Variants in ACOX3 observed in about 807,000 individuals in gnomAD.
ACOX3 encodes peroxisomal acyl-coenzyme A oxidase 3.
ACOX3 carries 73 observed loss-of-function variants against 81.5 expected under a neutral mutation model. The ratio of observed to expected loss-of-function variants is 0.90; its 90% CI spans 0.74 to 1.09. The LOEUF (loss-of-function observed/expected upper bound fraction) is 1.09, where lower values mean the gene tolerates loss of function less well. ACOX3 is among the 50% of genes least tolerant of loss of function. The probability of loss-of-function intolerance (pLI) is 0.00; values close to 1 mark genes in which losing one functional copy is unlikely to be tolerated. For missense variants in ACOX3, 947 were observed against 928.0 expected (o/e 1.02, Z -0.27); for synonymous variants, 387 against 375.1 (o/e 1.03, Z -0.37).
Position 8,370,122 on chromosome 4 carries a change from T to C in ACOX3, c.1983+786A>G, listed in dbSNP as rs936382204. Among the ~76,000 whole-genome samples, 1 of 152,256 alleles carries C rather than the reference T, an allele frequency of 6.6e-6. No homozygotes were observed. The highest frequency in any genetic ancestry group is 2.4e-5 in the African/African-American group (1 of 41,552). ...AGAGAAGGCCTCTCCAAGGCAGCAA[T>C]AGTCAGCTTATACTGAAAGAATGGA... On this transcript the variant is annotated intron_variant, in intron 17 of 17. Transcript: ENST00000356406. This position sits in a 1 kb window ranked among gnomAD's most constrained non-coding sequence, Gnocchi z 6.3.
intron 6 of ACOX3, among the ~76,000 whole-genome samples, 153 bp downstream of exon 6, chr4:8,410,059 G>A (rs928461784): frequency 6.6e-6 from 1 of 152,066 alleles, no homozygotes; most frequent in South Asian, 2.1e-4. Flanking sequence ...GCGGGGCTAT[G>A]GGATGCACTG....
chr4:8,384,396 A>G lies in ACOX3; in HGVS notation c.1538-2789T>C, dbSNP rs1302087595. Among the ~76,000 whole-genome samples, 2 of 152,222 alleles carry G rather than the reference A, an allele frequency of 1.3e-5. No individual in the cohort carries two copies. Among genetic ancestry groups the G allele is most frequent in the Admixed American group, 1.3e-4 (2 of 15,282 alleles). ...AGAGTTAATGTGGAAGTGAAAAAGT[A>G]TCGCTGAAACAAACTAGGCAGGAAA... On this transcript the variant is annotated intron_variant, in intron 13 of 17. Coordinates refer to ENST00000356406, the MANE Select transcript of ACOX3 (RefSeq NM_003501.3). The surrounding 1 kb of genome is among the most constrained non-coding windows in gnomAD (Gnocchi z 5.3).
chr4:8,409,094 T>C (rs1414938596), intron 6 of ACOX3, among the ~76,000 whole-genome samples: 1 of 152,216 alleles, frequency 6.6e-6, no homozygotes, highest in Non-Finnish European at 1.5e-5. Context: ...TTTTGTCCTG[T>C]AACCTTACAA....
At position 8,421,798 on chromosome 4, in the gene ACOX3, C is replaced by T. The variant is rs561799328; in HGVS notation, c.-14-5263G>A. Among the ~76,000 whole-genome samples, 5 of 152,288 alleles carry T rather than the reference C, an allele frequency of 3.3e-5. No homozygotes were observed. In the South Asian group the frequency reaches 1.0e-3, roughly 32 times the overall value. On this transcript the variant is annotated intron_variant, in intron 1 of 17. Coordinates refer to ENST00000356406, the MANE Select transcript of ACOX3 (RefSeq NM_003501.3). ...TCTCGACATGGGAAGTTATGTGGGA[C>T]CTACCACCCTTGCCAGGGCCCCAAG... is the stretch of plus-strand genomic sequence containing the variant.
rs1341679368 is a variant in ACOX3 at position 8,416,033 on chromosome 4, G to A, written c.145-34C>T. ...GCAGGAGATGGGTAAGGCTTATTTG[G>A]AGTAAAAGATGGACTCTCCATGTGC... On this transcript the variant is annotated intron_variant, in intron 2 of 17. Transcript: ENST00000356406. This position sits in a 1 kb window ranked among gnomAD's most constrained non-coding sequence, Gnocchi z 4.2. 6.3e-7 allele frequency: 1 copy of A among 1,595,544 alleles called. No homozygotes were observed. The highest frequency in any genetic ancestry group is 2.2e-5 in the East Asian group (1 of 44,784).
intron 9 of ACOX3, 24 bp downstream of exon 9, chr4:8,396,912 GA>G: frequency 6.2e-7 from 1 of 1,602,394 alleles, no homozygotes; most frequent in Non-Finnish European, 8.5e-7. Flanking sequence ...GAGAGACAGT[GA>G]AAGGATGCTT....
Position 8,392,352 on chromosome 4 carries a change from T to C in ACOX3, c.1281A>G (p.Gly427=). 1 of 1,598,566 alleles carries C rather than the reference T, an allele frequency of 6.3e-7. No individual in the cohort carries two copies. The highest frequency in any genetic ancestry group is 8.5e-7 in the Non-Finnish European group (1 of 1,173,988). The part of the protein sequence containing the change: ...QGIQECREAC[G]GHGYLAMNRL... ...ACCTACTGGCCAGATAGCCGTGTCC[T>C]CCACACGCCTCCCGGCATTCCTGAA... Residue 427 remains glycine (G), a synonymous_variant, in exon 11 of 18, where the codon GGA becomes GGG. Coordinates refer to ENST00000356406, the MANE Select transcript of ACOX3 (RefSeq NM_003501.3).
chr4:8,380,619 T>A (rs1717519328), intron 14 of ACOX3, among the ~76,000 whole-genome samples: 1 of 152,150 alleles, frequency 6.6e-6, no homozygotes, highest in Non-Finnish European at 1.5e-5. Context: ...AGCAGCAGGC[T>A]GTGAGGTGCT....
rs187838941 is a variant in ACOX3 at position 8,412,343 on chromosome 4, T to A, written c.543+1949A>T. Among the ~76,000 whole-genome samples the A allele has an allele frequency of 1.8e-4, 27 of 152,320 alleles. No individual in the cohort carries two copies. In the East Asian group the frequency reaches 4.8e-3, roughly 27 times the overall value. On this transcript the variant is annotated intron_variant, in intron 5 of 17. Transcript: ENST00000356406. ...CTACGGGTCCGCTTGAGTTCATTCC[T>A]GGGCTCTTCCATGCAGTACCCCAGG... is the stretch of plus-strand genomic sequence containing the variant.
In ACOX3 at chr4:8,386,738, T is replaced by C. The variant is rs1256273271; in HGVS notation, c.1537+2435A>G. ...AGAAAGCAAGCAGTGATGCAGACGC[T>C]TCCTGATGACGATGCTGACGGTGCG... On this transcript the variant is annotated intron_variant, in intron 13 of 17. Transcript: ENST00000356406. This position sits in a 1 kb window ranked among gnomAD's most constrained non-coding sequence, Gnocchi z 5.2. 6.6e-6 allele frequency among the ~76,000 whole-genome samples: 1 copy of C among 152,036 alleles called. No individual in the cohort carries two copies. Among genetic ancestry groups the C allele is most frequent in the East Asian group, 1.9e-4 (1 of 5,168 alleles).
chr4:8,396,342 T>C (rs1157787024), intron 9 of ACOX3, among the ~76,000 whole-genome samples: 1 of 152,164 alleles, frequency 6.6e-6, no homozygotes. Context: ...CACCTGAACG[T>C]GCGGCCGTGC....
chr4:8,429,919 A>C (rs1482927634), intron 1 of ACOX3, among the ~76,000 whole-genome samples: 5 of 152,184 alleles, frequency 3.3e-5, no homozygotes, highest in African/African-American at 1.2e-4. Context: ...TTAAAAAAAA[A>C]AAAGTGAAAA....
Position 8,373,619 on chromosome 4 carries a change from A to C in ACOX3, c.1838T>G (p.Phe613Cys). 2 of 1,612,404 alleles carry C rather than the reference A, an allele frequency of 1.2e-6. No individual in the cohort carries two copies. Among genetic ancestry groups the C allele is most frequent in the Non-Finnish European group, 1.7e-6 (2 of 1,179,314 alleles). ...CACTTCTCCCGCCTGCTCACCGGAG[A>C]AGTATCCTCCTGCAAGCACAGCCTC... is the stretch of plus-strand genomic sequence containing the variant. The part of the protein sequence containing the change: ...HAALLYRGGY[F>C]SGEQAGEVLE... The change falls in exon 16 of 18, where the codon TTC (phenylalanine) becomes TGC (cysteine). Residue 613 changes from phenylalanine to cysteine, a missense_variant. Phe to Cys is a radical substitution (Grantham distance 205). Transcript: ENST00000356406.
At position 8,416,833 on chromosome 4, in the gene ACOX3, TCA is replaced by T. The variant is rs1195007385; in HGVS notation, c.-14-300_-14-299del. ...GGGTTTGTCAGAGTCTTGTTTTCTG[TCA>T]CACAGCCTTGCCTGAGAGTACCCTG... On this transcript the variant is annotated intron_variant, in intron 1 of 17. Coordinates refer to ENST00000356406, the MANE Select transcript of ACOX3 (RefSeq NM_003501.3). The surrounding 1 kb of genome is among the most constrained non-coding windows in gnomAD (Gnocchi z 4.2). Among the ~76,000 whole-genome samples, 1 of 152,194 alleles carries T rather than the reference TCA, an allele frequency of 6.6e-6. No individual in the cohort carries two copies. Among genetic ancestry groups the T allele is most frequent in the African/African-American group, 2.4e-5 (1 of 41,440 alleles).
chr4:8,373,059 T>C (rs1009160338), intron 16 of ACOX3, among the ~76,000 whole-genome samples: 2 of 152,124 alleles, frequency 1.3e-5, no homozygotes, highest in Non-Finnish European at 2.9e-5. Context: ...TCTGATTTCC[T>C]GGGTGACATA....
At chr4:8,378,501 G>C (rs923476752) in intron 14 of ACOX3, among the ~76,000 whole-genome samples, 17 of 152,108 alleles carry the variant, frequency 1.1e-4, no homozygotes, top group African/African-American at 3.9e-4. Flanking sequence ...GCAGGCTGCG[G>C]GGACGCCACC....
chr4:8,413,026 C>T (rs2108968197), intron 5 of ACOX3, among the ~76,000 whole-genome samples: 1 of 140,204 alleles, frequency 7.1e-6, no homozygotes, highest in Non-Finnish European at 1.5e-5. Flanking sequence ...ACAGCACTGA[C>T]AGCCCCAGGG....
the ACOX3 span, among the ~76,000 whole-genome samples, chr4:8,358,569 G>A: frequency 6.6e-6 from 1 of 152,204 alleles, no homozygotes; most frequent in African/African-American, 2.4e-5. Context: ...TAAGTCACAG[G>A]ATGAGATAGG....
rs1198047578 is a variant in ACOX3 at position 8,385,414 on chromosome 4, T to A, written c.1537+3759A>T. Among the ~76,000 whole-genome samples, 4 of 152,182 alleles carry A rather than the reference T, an allele frequency of 2.6e-5. No homozygotes were observed. The highest frequency in any genetic ancestry group is 9.7e-5 in the African/African-American group (4 of 41,444). The stretch of plus-strand genomic sequence containing the variant: ...ACCCCACTGCTCACACATGACCCTA[T>A]GTCACCTCTGGCCCACATCCCATGA... On this transcript the variant is annotated intron_variant, in intron 13 of 17. Transcript: ENST00000356406. The surrounding 1 kb of genome is among the most constrained non-coding windows in gnomAD (Gnocchi z 5.5).
Sources: allele counts gnomAD v4.1 joint callset (sites outside exome capture counted in the v4.1 genomes callset), GRCh38; gene constraint gnomAD v4.1.1; non-coding constraint Gnocchi (gnomAD v3.1); transcripts MANE v1.5; gene names NCBI Gene and HGNC (gene_info 2026-07-23, HGNC 2026-07-21).